ST7: variants seen among roughly 807,000 people sequenced by gnomAD.
The protein encoded by ST7 is suppressor of tumorigenicity 7 protein.
Under a neutral mutation model 78.7 loss-of-function variants are expected in ST7, and 28 were observed. The ratio of observed to expected loss-of-function variants is 0.36; its 90% CI spans 0.26 to 0.49. The LOEUF (loss-of-function observed/expected upper bound fraction) is 0.49. ST7 is among the 20% of genes least tolerant of loss of function. The pLI is 0.99. For synonymous variants in ST7, 247 were observed against 249.6 expected, an observed-to-expected ratio of 0.99 and a Z score of 0.10; for missense variants, 418 against 696.0, an observed-to-expected ratio of 0.60 and a Z score of 4.49.
intron 12 of ST7, among the ~76,000 whole-genome samples, chr7:117,194,705 T>C (rs1810122384): frequency 6.6e-6 from 1 of 152,256 alleles, no homozygotes; most frequent in Non-Finnish European, 1.5e-5. Context: ...CACGGTTCTA[T>C]ACCTTCATCT....
chr7:117,161,468 T>C (rs1206102783), intron 9 of ST7, among the ~76,000 whole-genome samples: 1 of 151,980 alleles, frequency 6.6e-6, no homozygotes, highest in African/African-American at 2.4e-5. Context: ...TTTTTCACCT[T>C]CTTTTCTTAC....
rs571816617 is a variant in ST7, at chr7:117,100,928, G to A, written c.234+1084G>A. Reference sequence around the variant, plus strand: ...ATAAGAAAAATTTTACAGAGTTGATGTTAAGAGAAGTGGATGATCAGAAGA... The same window carrying A: ...ATAAGAAAAATTTTACAGAGTTGATATTAAGAGAAGTGGATGATCAGAAGA... On this transcript the variant is annotated intron_variant, in intron 2 of 15. Transcript: ENST00000323984. Among the ~76,000 whole-genome samples the A allele has an allele frequency of 7.1e-4, 108 of 152,296 alleles. 1 individual carries two copies. The highest frequency in any genetic ancestry group is 8.1e-4 in the Non-Finnish European group (55 of 68,018).
chr7:117,093,635 A>G (rs1274687843), intron 1 of ST7, among the ~76,000 whole-genome samples: 1 of 152,136 alleles, frequency 6.6e-6, no homozygotes, highest in Non-Finnish European at 1.5e-5. Flanking sequence ...CGGGAGGCGG[A>G]GGTTGCAGTC....
rs1392717939 is a variant in ST7 at position 116,972,117 on chromosome 7, A to C, written c.151+18426A>C. On this transcript the variant is annotated intron_variant, in intron 1 of 15. Coordinates refer to ENST00000323984, the MANE Select transcript of ST7 (RefSeq NM_001369598.1). ...AGCTTCAGGCAGGCTGGCCTCAGGC[A>C]GAGTCAGGGTCAGAGGGAGGAGCAG... 4.8e-5 allele frequency: 26 copies of C among 544,990 alleles called. 1 individual carries two copies. In the Admixed American group the frequency reaches 5.1e-4, roughly 11 times the overall value. The allele number at this position is 544,990 out of a possible 1,614,324, so 33.8% of individuals were successfully genotyped here.
intron 1 of ST7, chr7:117,014,881 G>A: frequency 1.4e-6 from 1 of 736,978 alleles, no homozygotes; most frequent in East Asian, 3.4e-5. Context: ...GTGTGGGTGT[G>A]CTTCATGTCA....
intron 1 of ST7, among the ~76,000 whole-genome samples, chr7:116,963,696 C>CA (rs1208644745): frequency 6.6e-6 from 1 of 150,376 alleles, no homozygotes; most frequent in Non-Finnish European, 1.5e-5. Context: ...TCAGTGGTGC[C>CA]ATCTCGGCTC....
intron 1 of ST7, among the ~76,000 whole-genome samples, chr7:116,957,499 C>T (rs950456324): frequency 6.6e-6 from 1 of 152,004 alleles, no homozygotes; most frequent in Non-Finnish European, 1.5e-5. Context: ...TGCCCAGCTG[C>T]TGGTAACTGA....
intron 10 of ST7, among the ~76,000 whole-genome samples, chr7:117,181,390 A>G (rs979428496): frequency 3.9e-5 from 6 of 152,190 alleles, no homozygotes; most frequent in African/African-American, 1.4e-4. Flanking sequence ...TGACAAGGAC[A>G]TGGTATTGCA....
intron 1 of ST7, among the ~76,000 whole-genome samples, chr7:117,097,367 C>A (rs901183559): frequency 1.3e-5 from 2 of 150,710 alleles, no homozygotes; most frequent in Admixed American, 6.6e-5. Flanking sequence ...CTCTTGTTGC[C>A]CAGGCTGGAG....
chr7:117,069,380 G>T (rs1270969755), intron 1 of ST7, among the ~76,000 whole-genome samples: 3 of 152,148 alleles, frequency 2.0e-5, no homozygotes, highest in Non-Finnish European at 2.9e-5. Context: ...TTGCAACAAT[G>T]AATTTCAATG....
rs113659721 is a variant in ST7, at chr7:117,192,647, G to A, written c.1254+1711G>A. ...ATATCTAGGAACCAGATCTTTTACC[G>A]TGATCCTAACTAGAGCCTTGCAATC... is the stretch of plus-strand genomic sequence containing the variant. On this transcript the variant is annotated intron_variant, in intron 12 of 15. Coordinates refer to ENST00000323984, the MANE Select transcript of ST7 (RefSeq NM_001369598.1). Among the ~76,000 whole-genome samples, 268 of 152,204 alleles carry A rather than the reference G, an allele frequency of 1.8e-3. 1 individual carries two copies. Among genetic ancestry groups the A allele is most frequent in the African/African-American group, 4.1e-3 (172 of 41,524 alleles).
intron 1 of ST7, among the ~76,000 whole-genome samples, chr7:117,097,908 A>ATATATATATT: frequency 1.3e-4 from 4 of 30,012 alleles, no homozygotes; most frequent in East Asian, 3.4e-3. Context: ...ATATATATAT[A>ATATATATATT]TTTTTTTTTT....
chr7:116,995,308 C>A (rs1187566423), intron 1 of ST7, among the ~76,000 whole-genome samples: 1 of 152,094 alleles, frequency 6.6e-6, no homozygotes, highest in Non-Finnish European at 1.5e-5. Context: ...AGTAACCATC[C>A]CCGTCCTAGG....
chr7:116,958,487 C>T, intron 1 of ST7: 1 of 344,058 alleles, frequency 2.9e-6, no homozygotes, highest in Non-Finnish European at 6.0e-6. Flanking sequence ...TTGGATTTCC[C>T]TTCTAGAGGG....
rs117897399 is a variant in ST7, at chr7:117,209,210, G to C, written c.1255-577G>C. 5.5e-3 allele frequency among the ~76,000 whole-genome samples: 838 copies of C among 152,188 alleles called. 3 individuals are homozygous for C. Among genetic ancestry groups the C allele is most frequent in the Non-Finnish European group, 9.4e-3 (641 of 68,010 alleles). ...ACTCCCTAGTCTTCGGGAAAGGATC[G>C]AAGAGTGTCACAGTTTGGGGTCTAT... On this transcript the variant is annotated intron_variant, in intron 12 of 15. Transcript: ENST00000323984.
intron 9 of ST7, among the ~76,000 whole-genome samples, chr7:117,164,277 G>T (rs143870495): frequency 2.2e-4 from 34 of 152,250 alleles, no homozygotes; most frequent in Middle Eastern, 3.4e-3. Flanking sequence ...TGGTGTTGGG[G>T]AAACTGGATA....
intron 9 of ST7, among the ~76,000 whole-genome samples, chr7:117,156,335 A>G (rs1317862609): frequency 1.3e-5 from 2 of 152,236 alleles, no homozygotes; most frequent in Non-Finnish European, 2.9e-5. Flanking sequence ...TTAAAAGTGC[A>G]CAGCTTTTTA....
intron 9 of ST7, among the ~76,000 whole-genome samples, chr7:117,148,955 C>G (rs1383122187): frequency 6.6e-6 from 1 of 152,088 alleles, no homozygotes; most frequent in Non-Finnish European, 1.5e-5. Flanking sequence ...AGACCTGGGC[C>G]ACCAGGAACA....
At chr7:117,163,480 A>G (rs1165841274) in intron 9 of ST7, among the ~76,000 whole-genome samples, 3 of 152,098 alleles carry the variant, frequency 2.0e-5, no homozygotes, top group Admixed American at 6.6e-5. Flanking sequence ...TTTTTACAAT[A>G]GCCATTCTAA....
Sources: gnomAD v4.1 joint callset for allele counts (sites outside exome capture counted in the v4.1 genomes callset) on GRCh38, gnomAD v4.1.1 for gene constraint, MANE v1.5 for transcripts, NCBI Gene and HGNC (gene_info 2026-07-23, HGNC 2026-07-21) for gene names.